DNAJC17: variants seen among roughly 807,000 people sequenced by gnomAD.
The protein encoded by DNAJC17 is dnaJ homolog subfamily C member 17.
Under a neutral mutation model 48.1 loss-of-function variants are expected in DNAJC17, and 35 were observed. That is an observed-to-expected ratio of 0.73 (90% confidence interval 0.56 to 0.96). The LOEUF is 0.96. Ranked by LOEUF, DNAJC17 falls within the 50% of genes least tolerant of loss-of-function variation. The pLI is 0.00. For synonymous variants in DNAJC17, 117 were observed against 142.7 expected (o/e 0.82, Z 1.28); for missense variants, 355 against 377.1 (o/e 0.94, Z 0.48).
intron 1 of DNAJC17, among the ~76,000 whole-genome samples, chr15:40,795,555 G>C (rs1015524327): frequency 2.6e-5 from 4 of 152,042 alleles, no homozygotes; most frequent in African/African-American, 4.8e-5. Flanking sequence ...GAAAAGGAAG[G>C]GAAATGAAAA....
intron 1 of DNAJC17, among the ~76,000 whole-genome samples, chr15:40,786,830 G>GA (rs1889656502): frequency 6.6e-6 from 1 of 152,210 alleles, no homozygotes; most frequent in Non-Finnish European, 1.5e-5. Flanking sequence ...GCAATTTGCA[G>GA]AAACTTGGTC....
intron 1 of DNAJC17, among the ~76,000 whole-genome samples, chr15:40,798,162 A>T (rs1889985531): frequency 6.6e-6 from 1 of 152,244 alleles, no homozygotes; most frequent in African/African-American, 2.4e-5. Flanking sequence ...CAACCTTAAA[A>T]AGAAAGGAAA....
At chr15:40,806,530 TTTTC>T (rs777792216) in intron 1 of DNAJC17, among the ~76,000 whole-genome samples, 24 of 151,966 alleles carry the variant, frequency 1.6e-4, no homozygotes, top group Non-Finnish European at 1.9e-4. Flanking sequence ...TAGACACTAA[TTTTC>T]TTTCTTTCTT....
chr15:40,777,901 TG>T (rs1304218468), intron 4 of DNAJC17, among the ~76,000 whole-genome samples: 1 of 152,014 alleles, frequency 6.6e-6, no homozygotes, highest in Non-Finnish European at 1.5e-5. Context: ...ACACTTGAAA[TG>T]GGTTGATGTT....
At chr15:40,805,564 C>T (rs959533394) in intron 1 of DNAJC17, among the ~76,000 whole-genome samples, 12 of 123,636 alleles carry the variant, frequency 9.7e-5, no homozygotes, top group African/African-American at 2.8e-4. Context: ...AATAATAGGC[C>T]GGGCACGGTG....
At chr15:40,804,975 C>T (rs1890163011) in intron 1 of DNAJC17, among the ~76,000 whole-genome samples, 1 of 151,904 alleles carries the variant, frequency 6.6e-6, no homozygotes, top group Non-Finnish European at 1.5e-5. Context: ...GCACTCCAGC[C>T]TAGGCAAGAG....
intron 1 of DNAJC17, among the ~76,000 whole-genome samples, chr15:40,800,025 C>A (rs1890039170): frequency 6.6e-6 from 1 of 151,420 alleles, no homozygotes; most frequent in Admixed American, 6.6e-5. Context: ...TTGTTTTTGT[C>A]TTCATAATAG....
intron 1 of DNAJC17, among the ~76,000 whole-genome samples, chr15:40,804,114 G>A (rs1396348411): frequency 2.0e-5 from 3 of 150,756 alleles, no homozygotes; most frequent in South Asian, 2.1e-4. Context: ...CTACAGGTGC[G>A]TAACACCCTG....
At position 40,766,083 on chromosome 15, in the gene DNAJC17, T is replaced by C. The variant is rs754338304; in HGVS notation, c.*1857A>G. 12 of 440,302 alleles carry C rather than the reference T, an allele frequency of 2.7e-5. No individual in the cohort carries two copies. Among genetic ancestry groups the C allele is most frequent in the Non-Finnish European group, 4.9e-5 (12 of 242,978 alleles). The allele number at this position is 440,302 out of a possible 1,614,324, so 27.3% of individuals were successfully genotyped here. A position where few individuals can be genotyped will look rare whatever the true frequency, so the allele number is the denominator to read the frequency against. ...GGAGGAGTTGGTCCCATCTGTAGCC[T>C]CTCCAACATCCCCCCTCTCCCCCAC... On this transcript the variant is annotated 3_prime_UTR_variant, in exon 11 of 11. Transcript: ENST00000220496.
At chr15:40,804,679 C>G (rs760283684) in intron 1 of DNAJC17, among the ~76,000 whole-genome samples, 5 of 152,176 alleles carry the variant, frequency 3.3e-5, no homozygotes, top group Non-Finnish European at 5.9e-5. Flanking sequence ...AACTGACTTC[C>G]TCAGGAGTTC....
intron 1 of DNAJC17, among the ~76,000 whole-genome samples, chr15:40,781,784 TG>T (rs1421548280): frequency 6.8e-6 from 1 of 147,390 alleles, no homozygotes; most frequent in Non-Finnish European, 1.5e-5. Context: ...TAGCCAGGCA[TG>T]GTGGCGGGCG....
rs1241551189 is a variant in DNAJC17, at chr15:40,773,801, T to C, written c.718A>G (p.Asn240Asp). The change falls in exon 10 of 11, where the codon AAC becomes GAC. Residue 240 changes from asparagine (N) to aspartate (D), a missense_variant. Asn to Asp is a conservative substitution (Grantham distance 23). Around this residue, in one of 3 missense-constraint regions of DNAJC17, gnomAD observed 68 missense variants for 109.5 expected, o/e 0.62. Coordinates refer to ENST00000220496, the MANE Select transcript of DNAJC17 (RefSeq NM_018163.3). ...TCCAACCAGGAAATCTTCAGAGGGT[T>C]ATCCACCAGGCCAACTTCATTCTGG... The part of the protein sequence containing the change: ...AVQNEVGLVD[N>D]PLKISWLEGQ... 7.4e-6 allele frequency: 12 copies of C among 1,614,050 alleles called. No homozygotes were observed. Among genetic ancestry groups the C allele is most frequent in the Non-Finnish European group, 9.3e-6 (11 of 1,179,980 alleles).
intron 2 of DNAJC17, 82 bp from the exon 3 acceptor site, chr15:40,779,685 CT>C: frequency 7.5e-7 from 1 of 1,332,158 alleles, no homozygotes; most frequent in South Asian, 1.3e-5. Context: ...AAAAAAAAAT[CT>C]TCAAAGAAGT....
intron 1 of DNAJC17, among the ~76,000 whole-genome samples, chr15:40,780,831 T>A (rs995385644): frequency 4.9e-5 from 7 of 141,782 alleles, no homozygotes; most frequent in African/African-American, 1.9e-4. Flanking sequence ...TAAAATAAAA[T>A]AAAATAAAAA....
intron 1 of DNAJC17, among the ~76,000 whole-genome samples, chr15:40,797,225 C>T (rs1889958989): frequency 6.6e-6 from 1 of 152,134 alleles, no homozygotes; most frequent in African/African-American, 2.4e-5. Context: ...TAAAAATCAG[C>T]TGGGCATGAT....
At chr15:40,805,527 A>G (rs1890186160) in intron 1 of DNAJC17, among the ~76,000 whole-genome samples, 2 of 151,984 alleles carry the variant, frequency 1.3e-5, no homozygotes, top group African/African-American at 4.8e-5. Context: ...AGCCTGGGCG[A>G]CAGAGCGAGA....
intron 1 of DNAJC17, among the ~76,000 whole-genome samples, chr15:40,783,884 G>T (rs901217081): frequency 6.6e-6 from 1 of 152,048 alleles, no homozygotes; most frequent in Non-Finnish European, 1.5e-5. Flanking sequence ...ATAAAAGTTT[G>T]TATGTTCCTT....
At chr15:40,803,174 G>T (rs1890117332) in intron 1 of DNAJC17, among the ~76,000 whole-genome samples, 1 of 150,312 alleles carries the variant, frequency 6.7e-6, no homozygotes, top group African/African-American at 2.4e-5. Context: ...AATCACGCAT[G>T]ATTTTCAGAG....
intron 1 of DNAJC17, among the ~76,000 whole-genome samples, chr15:40,796,749 G>GTATA (rs1214807111): frequency 6.6e-6 from 1 of 152,060 alleles, no homozygotes; most frequent in Non-Finnish European, 1.5e-5. Flanking sequence ...CTCCTTCTGG[G>GTATA]TATATATCAA....
Sources: gnomAD v4.1 joint callset for allele counts (sites outside exome capture counted in the v4.1 genomes callset) on GRCh38, gnomAD v4.1.1 for gene constraint, gnomAD v4.1.1 regional missense constraint, MANE v1.5 for transcripts, NCBI Gene and HGNC (gene_info 2026-07-23, HGNC 2026-07-21) for gene names.